CSMD3: variants seen among roughly 807,000 people sequenced by gnomAD.
The protein encoded by CSMD3 is CUB and Sushi multiple domains 3.
Under a neutral mutation model 435.2 loss-of-function variants are expected in CSMD3, and 177 were observed. That is an observed-to-expected ratio of 0.41 (90% CI 0.36 to 0.46). The LOEUF (loss-of-function observed/expected upper bound fraction) is 0.46, where lower values mean the gene tolerates loss of function less well. Ranked by LOEUF, CSMD3 falls within the 20% of genes least tolerant of loss-of-function variation. The pLI, the probability that CSMD3 is intolerant of heterozygous loss-of-function variation, is 0.34. For synonymous variants in CSMD3, 1,656 were observed against 1,520.5 expected (o/e 1.09, Z -2.07); for missense variants, 4,265 against 4,504.6 (o/e 0.95, Z 1.52).
chr8:112,494,496 T>TTTCC lies in CSMD3; in HGVS notation c.5084-1814_5084-1813insGGAA, dbSNP rs1821067798. Among the ~76,000 whole-genome samples the TTTCC allele has an allele frequency of 3.3e-3, 308 of 92,018 alleles. 16 individuals are homozygous for TTTCC. The highest frequency in any genetic ancestry group is 0.011 in the African/African-American group (289 of 26,400). The allele number at this position is 92,018 out of a possible 152,430, so 60.4% of individuals were successfully genotyped here. On this transcript the variant is annotated intron_variant, in intron 30 of 70. Transcript: ENST00000297405. The stretch of plus-strand genomic sequence containing the variant: ...TCTTTTCTTTTGTTTCTTTCTCTCC[T>TTTCC]TTCTTTCTTTCTTTCTTTCTTTCTT...
intron 51 of CSMD3, 31 bp downstream of exon 51, chr8:112,305,976 A>C (rs1563765923): frequency 6.4e-7 from 1 of 1,572,166 alleles, no homozygotes; most frequent in Non-Finnish European, 8.8e-7. Flanking sequence ...CAAGAGAAAA[A>C]CAAGTGATGA....
In CSMD3 at chr8:112,875,717, A is replaced by G. The variant is rs138008924; in HGVS notation, c.1634-16451T>C. 2.1e-3 allele frequency among the ~76,000 whole-genome samples: 319 copies of G among 151,998 alleles called. 1 individual carries two copies. Among genetic ancestry groups the G allele is most frequent in the African/African-American group, 7.3e-3 (304 of 41,498 alleles). ...TTCTTCCAATGGATCAATTTGGCTG[A>G]TACTTGTGTATGCTTCATGAATTTC... On this transcript the variant is annotated intron_variant, in intron 10 of 70. Coordinates refer to ENST00000297405, the MANE Select transcript of CSMD3 (RefSeq NM_198123.2).
intron 1 of CSMD3, among the ~76,000 whole-genome samples, chr8:113,334,610 C>T (rs761873330): frequency 3.0e-4 from 45 of 152,050 alleles, no homozygotes; most frequent in South Asian, 8.3e-4. Context: ...GGGAAATTTC[C>T]TTGCTATTGT....
intron 59 of CSMD3, among the ~76,000 whole-genome samples, chr8:112,277,571 C>A (rs537858423): frequency 4.6e-5 from 7 of 152,296 alleles, no homozygotes; most frequent in Admixed American, 2.6e-4. Context: ...AGTTCCAAAG[C>A]CACTTCTACA....
intron 36 of CSMD3, 26 bp from the exon 37 acceptor site, chr8:112,383,689 A>C: frequency 7.4e-7 from 1 of 1,359,608 alleles, no homozygotes; most frequent in South Asian, 1.2e-5. Flanking sequence ...TACAGGTAAG[A>C]ATACACATTT....
chr8:112,347,670 C>T (rs1825792664), intron 40 of CSMD3, among the ~76,000 whole-genome samples: 1 of 152,098 alleles, frequency 6.6e-6, no homozygotes, highest in South Asian at 2.1e-4. Context: ...TCTGAAATCT[C>T]GTTAATTCAC....
chr8:112,461,746 C>T (rs1817469171), intron 32 of CSMD3, among the ~76,000 whole-genome samples: 1 of 152,090 alleles, frequency 6.6e-6, no homozygotes, highest in African/African-American at 2.4e-5. Flanking sequence ...AAGAAAATTA[C>T]AGAGAAGAAT....
At chr8:112,966,496 T>C (rs1373885150) in intron 7 of CSMD3, among the ~76,000 whole-genome samples, 1 of 151,538 alleles carries the variant, frequency 6.6e-6, no homozygotes, top group African/African-American at 2.4e-5. Flanking sequence ...AAAAATTTTT[T>C]TTTTTACTGT....
chr8:112,417,213 G>T (rs548376205), intron 32 of CSMD3, among the ~76,000 whole-genome samples: 1 of 152,138 alleles, frequency 6.6e-6, no homozygotes, highest in East Asian at 1.9e-4. Context: ...GTGATATTAA[G>T]GTATTTCATA....
At chr8:112,565,980 A>G (rs1484630598) in intron 24 of CSMD3, among the ~76,000 whole-genome samples, 1 of 151,966 alleles carries the variant, frequency 6.6e-6, no homozygotes, top group African/African-American at 2.4e-5. Context: ...CAGATTCTCA[A>G]AAATAAAATG....
At chr8:112,454,853 C>T (rs1029381497) in intron 32 of CSMD3, among the ~76,000 whole-genome samples, 1 of 151,914 alleles carries the variant, frequency 6.6e-6, no homozygotes, top group Non-Finnish European at 1.5e-5. Flanking sequence ...AAACTGGACT[C>T]AGCATCTTTT....
intron 32 of CSMD3, among the ~76,000 whole-genome samples, chr8:112,443,403 A>G (rs147652763): frequency 0.011 from 1,610 of 152,324 alleles, 24 homozygotes; most frequent in African/African-American, 0.037. Flanking sequence ...ATGAATTTTT[A>G]TAGATAAAAG....
rs960366151 is a variant in CSMD3, at chr8:112,223,343, C to T, written c.*1428G>A. On this transcript the variant is annotated 3_prime_UTR_variant, in exon 71 of 71. Transcript: ENST00000297405. Reference sequence around the variant, plus strand: ...AGGGTTTCTCTTAGGCACTCTGTCTCATGATACAAAAAGTCAAGACTGTTC... The same window carrying T: ...AGGGTTTCTCTTAGGCACTCTGTCTTATGATACAAAAAGTCAAGACTGTTC... 2 of 326,376 alleles carry T rather than the reference C, an allele frequency of 6.1e-6. No homozygotes were observed. The highest frequency in any genetic ancestry group is 4.9e-5 in the Admixed American group (1 of 20,284). The allele number at this position is 326,376 out of a possible 1,614,324, so 20.2% of individuals were successfully genotyped here.
intron 42 of CSMD3, among the ~76,000 whole-genome samples, chr8:112,338,227 T>C (rs1367068544): frequency 6.6e-6 from 1 of 152,060 alleles, no homozygotes; most frequent in Non-Finnish European, 1.5e-5. Flanking sequence ...GTTTGTAAAA[T>C]AAAGCACTGG....
intron 5 of CSMD3, among the ~76,000 whole-genome samples, chr8:113,057,560 G>C (rs910325470): frequency 3.3e-5 from 5 of 151,738 alleles, no homozygotes; most frequent in African/African-American, 1.2e-4. Flanking sequence ...TATAATTTTG[G>C]CCATATTATT....
chr8:112,511,914 A>G (rs1233119982), intron 28 of CSMD3, among the ~76,000 whole-genome samples: 2 of 152,162 alleles, frequency 1.3e-5, no homozygotes, highest in Non-Finnish European at 2.9e-5. Context: ...ATTCCATCTC[A>G]ACAAATCACT....
At chr8:112,899,520 A>C (rs1175514867) in intron 10 of CSMD3, among the ~76,000 whole-genome samples, 3 of 144,424 alleles carry the variant, frequency 2.1e-5, no homozygotes, top group Non-Finnish European at 4.6e-5. Flanking sequence ...TTTTCTATAT[A>C]TATATATATA....
rs533566976 is a variant in CSMD3, at chr8:113,104,922, A to G, written c.710-5959T>C. Among the ~76,000 whole-genome samples, 16 of 152,194 alleles carry G rather than the reference A, an allele frequency of 1.1e-4. No individual in the cohort carries two copies. In the South Asian group the frequency reaches 2.7e-3, roughly 26 times the overall value. On this transcript the variant is annotated intron_variant, in intron 4 of 70. Coordinates refer to ENST00000297405, the MANE Select transcript of CSMD3 (RefSeq NM_198123.2). Reference sequence around the variant, plus strand: ...ATGCTTATTACAAATATCCTACATTAATTTCCATTTACCTTCCAAAGAGAC... The same window carrying G: ...ATGCTTATTACAAATATCCTACATTGATTTCCATTTACCTTCCAAAGAGAC...
chr8:113,033,506 G>A (rs1021862905), intron 5 of CSMD3, among the ~76,000 whole-genome samples: 1 of 151,378 alleles, frequency 6.6e-6, no homozygotes, highest in African/African-American at 2.4e-5. Flanking sequence ...CTCATACTTG[G>A]AATGGGAACA....
Sources: allele counts gnomAD v4.1 joint callset (sites outside exome capture counted in the v4.1 genomes callset), GRCh38; gene constraint gnomAD v4.1.1; transcripts MANE v1.5; gene names NCBI Gene and HGNC (gene_info 2026-07-23, HGNC 2026-07-21).